ORMDL1: variants seen among roughly 807,000 people sequenced by gnomAD.
ORMDL1 encodes the protein ORM1-like protein 1.
In ORMDL1, 10 loss-of-function variants were observed where a neutral mutation model predicts 13.0. The ratio of observed to expected loss-of-function variants is 0.77; its 90% CI spans 0.47 to 1.30. The LOEUF (loss-of-function observed/expected upper bound fraction) is 1.30. ORMDL1 is among the 50% of genes most tolerant of loss of function. The pLI is 0.00. For synonymous variants in ORMDL1, 61 were observed against 63.9 expected, an observed-to-expected ratio of 0.95 and a Z score of 0.22; for missense variants, 171 against 186.7, an observed-to-expected ratio of 0.92 and a Z score of 0.49.
downstream of ORMDL1, among the ~76,000 whole-genome samples, chr2:189,768,968 G>T (rs1225109): frequency 1.3e-5 from 2 of 152,210 alleles, no homozygotes; most frequent in African/African-American, 4.8e-5. Flanking sequence ...TTTTTGACTC[G>T]ATATACAACA....
At position 189,771,459 on chromosome 2, in the gene ORMDL1, T is replaced by G. The variant is rs989005749; in HGVS notation, c.*308A>C. 5.2e-6 allele frequency: 1 copy of G among 193,956 alleles called. No individual in the cohort carries two copies. Among genetic ancestry groups the G allele is most frequent in the African/African-American group, 2.3e-5 (1 of 43,232 alleles). 12.0% of individuals were successfully genotyped at this position (193,956 alleles called of 1,614,324 possible). A position where few individuals can be genotyped will look rare whatever the true frequency, so the allele number is the denominator to read the frequency against. On this transcript the variant is annotated 3_prime_UTR_variant, in exon 5 of 5. Coordinates refer to ENST00000392349, the MANE Select transcript of ORMDL1 (RefSeq NM_016467.5). Reference sequence around the variant, plus strand: ...CATTATAAGTTAAGCTGGTCCTAGTTTCTTACAAATCTCTTATTTCCTTGA... The same window carrying G: ...CATTATAAGTTAAGCTGGTCCTAGTGTCTTACAAATCTCTTATTTCCTTGA...
chr2:189,781,349 A>T (rs1377383960), intron 3 of ORMDL1, among the ~76,000 whole-genome samples: 1 of 152,136 alleles, frequency 6.6e-6, no homozygotes, highest in African/African-American at 2.4e-5. Context: ...TCCTCAACTA[A>T]CTGTATTTCC....
At chr2:189,769,413 CAG>C (rs2047535268), downstream of ORMDL1, among the ~76,000 whole-genome samples, 1 of 151,060 alleles carries the variant, frequency 6.6e-6, no homozygotes, top group African/African-American at 2.4e-5. Context: ...AAAGTTAAGG[CAG>C]GGGGTTGAAT....
At position 189,771,102 on chromosome 2, in the gene ORMDL1, C is replaced by G. The variant is rs1295922325; in HGVS notation, c.*665G>C. ...AAAATTAGAACACTTGACTCAGAAG[C>G]TGCTTGTAAGACACTTGGCTATCTT... On this transcript the variant is annotated 3_prime_UTR_variant, in exon 5 of 5. Transcript: ENST00000392349. 1 of 152,146 alleles carries G rather than the reference C, an allele frequency of 6.6e-6. No individual in the cohort carries two copies. Among genetic ancestry groups the G allele is most frequent in the East Asian group, 1.9e-4 (1 of 5,184 alleles). The allele number at this position is 152,146 out of a possible 1,614,324, so 9.4% of individuals were successfully genotyped here. A position where few individuals can be genotyped will look rare whatever the true frequency, so the allele number is the denominator to read the frequency against.
At chr2:189,783,425 AACGAG>A (rs1476936271) in intron 1 of ORMDL1, 1 of 152,234 alleles carries the variant, frequency 6.6e-6, no homozygotes, top group Non-Finnish European at 1.5e-5. Context: ...GGAGGGGGAA[AACGAG>A]GCTAGATTAT....
chr2:189,772,298 G>A (rs947450405), intron 4 of ORMDL1, among the ~76,000 whole-genome samples: 1 of 152,158 alleles, frequency 6.6e-6, no homozygotes, highest in Non-Finnish European at 1.5e-5. Flanking sequence ...GTGACTCACA[G>A]GTTAAGAACC....
In ORMDL1 at chr2:189,771,860, G is replaced by C; in HGVS notation, c.369C>G (p.His123Gln). ...GGAGAGAAGCTGTGTTTAGGATGAA[G>C]TGAGTTGGATCATACTTCGTATAGA... ...ASFYTKYDPTHFILNTASLLS... is the reference protein window; with the variant it reads ...ASFYTKYDPTQFILNTASLLS... Residue 123 changes from histidine to glutamine, a missense_variant, in exon 5 of 5, where the codon CAC (histidine) becomes CAG (glutamine). Coordinates refer to ENST00000392349, the MANE Select transcript of ORMDL1 (RefSeq NM_016467.5). The C allele has an allele frequency of 6.2e-7, 1 of 1,608,920 alleles. No homozygotes were observed. Among genetic ancestry groups the C allele is most frequent in the Non-Finnish European group, 8.5e-7 (1 of 1,176,076 alleles).
intron 2 of ORMDL1, 113 bp from the exon 3 acceptor site, chr2:189,782,715 G>T: frequency 2.2e-6 from 2 of 920,078 alleles, no homozygotes; most frequent in South Asian, 1.6e-5. Flanking sequence ...TAGTTACTTT[G>T]AAGTAGCACA....
Position 189,782,395 on chromosome 2 carries a change from GTGTTTAGTATAA to G in ORMDL1, c.174+15_174+26del. 1 of 1,569,596 alleles carries G rather than the reference GTGTTTAGTATAA, an allele frequency of 6.4e-7. No individual in the cohort carries two copies. The highest frequency in any genetic ancestry group is 1.4e-5 in the African/African-American group (1 of 73,662). On this transcript the variant is annotated intron_variant, in intron 3 of 4. Coordinates refer to ENST00000392349, the MANE Select transcript of ORMDL1 (RefSeq NM_016467.5). ...CAACCACTAAACTTAAAACTTTTAA[GTGTTTAGTATAA>G]TGTGAAATTCTTACCAGATTATGTA...
intron 4 of ORMDL1, among the ~76,000 whole-genome samples, chr2:189,773,553 C>T (rs959847088): frequency 6.6e-6 from 1 of 151,992 alleles, no homozygotes; most frequent in Non-Finnish European, 1.5e-5. Context: ...GAAACCCCAT[C>T]TCTACTAAAA....
chr2:189,780,570 A>C (rs1203920912), intron 3 of ORMDL1, among the ~76,000 whole-genome samples: 1 of 152,230 alleles, frequency 6.6e-6, no homozygotes, highest in Non-Finnish European at 1.5e-5. Context: ...AGATGAAGTA[A>C]CCTAGGTAGA....
chr2:189,776,141 G>A (rs903354034), intron 3 of ORMDL1, among the ~76,000 whole-genome samples: 1 of 151,986 alleles, frequency 6.6e-6, no homozygotes, highest in African/African-American at 2.4e-5. Flanking sequence ...CAAAGTGGTA[G>A]AAAACAATAA....
At chr2:189,776,823 G>A (rs995248476) in intron 3 of ORMDL1, among the ~76,000 whole-genome samples, 2 of 151,972 alleles carry the variant, frequency 1.3e-5, no homozygotes, top group Admixed American at 6.6e-5. Flanking sequence ...ACAAGACATA[G>A]GACATATATG....
At chr2:189,773,549 C>G (rs2047626001) in intron 4 of ORMDL1, among the ~76,000 whole-genome samples, 1 of 151,884 alleles carries the variant, frequency 6.6e-6, no homozygotes, top group Non-Finnish European at 1.5e-5. Context: ...TGGTGAAACC[C>G]CATCTCTACT....
At chr2:189,783,981 C>T (rs1403936358) in intron 1 of ORMDL1, 1 of 152,452 alleles carries the variant, frequency 6.6e-6, no homozygotes, top group Non-Finnish European at 1.5e-5. Context: ...AGCCCGAGCG[C>T]TCTGGGCCAG....
At chr2:189,768,640 A>G (rs2047520902), downstream of ORMDL1, among the ~76,000 whole-genome samples, 2 of 152,228 alleles carry the variant, frequency 1.3e-5, no homozygotes, top group South Asian at 4.1e-4. Flanking sequence ...TTAAGGTTTT[A>G]GTGACATAAA....
chr2:189,764,683 T>C, the ORMDL1 span, among the ~76,000 whole-genome samples: 1 of 152,184 alleles, frequency 6.6e-6, no homozygotes, highest in African/African-American at 2.4e-5. Flanking sequence ...TCTCAAAAAA[T>C]ATGGCCTATG....
At chr2:189,768,805 C>T (rs763383602), downstream of ORMDL1, among the ~76,000 whole-genome samples, 1 of 151,966 alleles carries the variant, frequency 6.6e-6, no homozygotes, top group African/African-American at 2.4e-5. Context: ...AAGTAATAAA[C>T]TGGAACTTAG....
chr2:189,779,608 T>G (rs1181944372), intron 3 of ORMDL1, among the ~76,000 whole-genome samples: 2 of 152,178 alleles, frequency 1.3e-5, no homozygotes, highest in African/African-American at 2.4e-5. Context: ...ACAAGAAACT[T>G]GGATTTTACC....
Sources: allele counts gnomAD v4.1 joint callset (sites outside exome capture counted in the v4.1 genomes callset), GRCh38; gene constraint gnomAD v4.1.1; transcripts MANE v1.5; gene names NCBI Gene and HGNC (gene_info 2026-07-23, HGNC 2026-07-21).